Variants in NFIB observed in about 807,000 individuals in gnomAD.
NFIB encodes nuclear factor 1 B-type.
Under a neutral mutation model 61.5 loss-of-function variants are expected in NFIB, and 11 were observed. The observed-to-expected ratio is 0.18, with a 90% CI of 0.11 to 0.30. The LOEUF (loss-of-function observed/expected upper bound fraction) is 0.30. NFIB is among the 10% of genes least tolerant of loss of function. The pLI is 1.00. For missense variants in NFIB, 471 were observed against 608.9 expected, an observed-to-expected ratio of 0.77 and a Z score of 2.38; for synonymous variants, 260 against 216.5, an observed-to-expected ratio of 1.20 and a Z score of -1.76.
At chr9:14,261,370 A>C (rs2056736714) in intron 2 of NFIB, among the ~76,000 whole-genome samples, 1 of 152,206 alleles carries the variant, frequency 6.6e-6, no homozygotes. Context: ...GAAGAAACTC[A>C]AAAGCAGTCA....
the NFIB span, among the ~76,000 whole-genome samples, chr9:14,418,169 T>C: frequency 6.6e-6 from 1 of 152,144 alleles, no homozygotes; most frequent in African/African-American, 2.4e-5. Flanking sequence ...ATAATCTATA[T>C]CAGAACTTCA....
At chr9:14,518,738 A>G in the NFIB span, among the ~76,000 whole-genome samples, 1 of 152,240 alleles carries the variant, frequency 6.6e-6, no homozygotes. Context: ...TTTCCTTGCC[A>G]GCAATGGGAA....
chr9:14,334,454 A>T (rs929635360), intron 1 of NFIB, among the ~76,000 whole-genome samples: 5 of 152,172 alleles, frequency 3.3e-5, no homozygotes, highest in Non-Finnish European at 5.9e-5. Context: ...GCACCTTTTC[A>T]TCTGCTTATT....
chr9:14,478,543 T>C, the NFIB span, among the ~76,000 whole-genome samples: 1 of 152,224 alleles, frequency 6.6e-6, no homozygotes, highest in African/African-American at 2.4e-5. Context: ...TAGAAATCAC[T>C]TGGGTATTGT....
chr9:14,317,742 G>T (rs1001285823), upstream of NFIB, among the ~76,000 whole-genome samples: 1 of 152,192 alleles, frequency 6.6e-6, no homozygotes, highest in Non-Finnish European at 1.5e-5. Context: ...GAACTCTAGG[G>T]AGTTGTTTGG....
At chr9:14,319,530 A>T (rs921070670) in intron 1 of NFIB, among the ~76,000 whole-genome samples, 19 of 152,248 alleles carry the variant, frequency 1.2e-4, no homozygotes, top group Non-Finnish European at 5.9e-5. Context: ...ATATTGAGAG[A>T]GTTGCAGTTA....
intron 7 of NFIB, among the ~76,000 whole-genome samples, 179 bp downstream of exon 7, chr9:14,125,453 G>C (rs768678204): frequency 5.9e-5 from 9 of 152,238 alleles, no homozygotes; most frequent in Non-Finnish European, 1.3e-4. Flanking sequence ...CCTGCACCCA[G>C]AGAAATCTTT....
At chr9:14,236,661 T>A (rs1477056942) in intron 2 of NFIB, among the ~76,000 whole-genome samples, 2 of 152,194 alleles carry the variant, frequency 1.3e-5, no homozygotes, top group Non-Finnish European at 2.9e-5. Context: ...TTTTTTGGAT[T>A]CTATTTAATG....
upstream of NFIB, among the ~76,000 whole-genome samples, chr9:14,316,765 C>T (rs2060552350): frequency 6.6e-6 from 1 of 151,840 alleles, no homozygotes; most frequent in Admixed American, 6.6e-5. Flanking sequence ...TCACCCTCAC[C>T]AGATTCTGAG....
the NFIB span, among the ~76,000 whole-genome samples, chr9:14,524,316 A>G: frequency 6.6e-6 from 1 of 152,178 alleles, no homozygotes; most frequent in Non-Finnish European, 1.5e-5. Flanking sequence ...GAAACGTATC[A>G]AATGTGCTAG....
At chr9:14,149,382 T>C (rs1321461601) in intron 5 of NFIB, among the ~76,000 whole-genome samples, 1 of 152,182 alleles carries the variant, frequency 6.6e-6, no homozygotes, top group African/African-American at 2.4e-5. Context: ...AATTCATGTA[T>C]GCTCTTATAT....
At chr9:14,385,652 C>G (rs778651950) in intron 1 of NFIB, among the ~76,000 whole-genome samples, 1 of 152,118 alleles carries the variant, frequency 6.6e-6, no homozygotes, top group African/African-American at 2.4e-5. Context: ...AGGTATACAG[C>G]CTTCTTGCCA....
chr9:14,180,191 T>C (rs2046614963), intron 2 of NFIB, among the ~76,000 whole-genome samples: 1 of 152,216 alleles, frequency 6.6e-6, no homozygotes, highest in Admixed American at 6.5e-5. Flanking sequence ...AAAGTATGTT[T>C]TTATTCAATG....
intron 2 of NFIB, among the ~76,000 whole-genome samples, chr9:14,182,535 C>A (rs1243314791): frequency 6.6e-6 from 1 of 152,186 alleles, no homozygotes; most frequent in South Asian, 2.1e-4. Flanking sequence ...GGCAGAGAAA[C>A]CAAAAATGAA....
Position 14,242,004 on chromosome 9 carries a change from G to C in NFIB, c.563-62224C>G, listed in dbSNP as rs1388987578. Among the ~76,000 whole-genome samples the C allele has an allele frequency of 2.0e-5, 3 of 152,018 alleles. No individual in the cohort carries two copies. The South Asian group carries it at 6.2e-4, about 31-fold the overall frequency. On this transcript the variant is annotated intron_variant, in intron 2 of 10. Coordinates refer to ENST00000380953, the MANE Select transcript of NFIB (RefSeq NM_001190737.2). ...CCTACCATATGCTGATATTCAACCA[G>C]AAGAATTTGTTTGAAAAGGCAAAAA... is the stretch of plus-strand genomic sequence containing the variant.
chr9:14,159,337 T>C (rs1419150731), intron 3 of NFIB, among the ~76,000 whole-genome samples: 2 of 152,126 alleles, frequency 1.3e-5, no homozygotes, highest in African/African-American at 4.8e-5. Flanking sequence ...TGAAAAGCAT[T>C]GGAAATATAT....
the NFIB span, among the ~76,000 whole-genome samples, chr9:14,523,384 C>T: frequency 2.6e-5 from 4 of 152,032 alleles, no homozygotes; most frequent in Admixed American, 6.6e-5. Context: ...TACTTTCCTA[C>T]TCACTTTCCC....
Position 14,125,714 on chromosome 9 carries a change from A to G in NFIB, c.978T>C (p.Ser326=). Residue 326 remains serine (S), a synonymous_variant, in exon 7 of 11, where the codon TCT becomes TCC. Transcript: ENST00000380953. ...MKKPEKPLFS[S]ASPQDSSPRL... ...TTGGGGAAGAATCCTGTGGAGATGC[A>G]GAGCTGAACAATGGCTTTTCAGGCT... is the stretch of plus-strand genomic sequence containing the variant. 1 of 1,614,204 alleles carries G rather than the reference A, an allele frequency of 6.2e-7. No homozygotes were observed. The highest frequency in any genetic ancestry group is 8.5e-7 in the Non-Finnish European group (1 of 1,180,018).
At chr9:14,113,132 G>T in intron 9 of NFIB, 51 bp from the exon 10 acceptor site, 2 of 1,496,940 alleles carry the variant, frequency 1.3e-6, no homozygotes, top group South Asian at 1.2e-5. Context: ...CTATCAGAAC[G>T]AACACCCTGT....
Sources: gnomAD v4.1 joint callset for allele counts (sites outside exome capture counted in the v4.1 genomes callset) on GRCh38, gnomAD v4.1.1 for gene constraint, MANE v1.5 for transcripts, NCBI Gene and HGNC (gene_info 2026-07-23, HGNC 2026-07-21) for gene names.